SV2B: variants seen among roughly 807,000 people sequenced by gnomAD.
SV2B encodes the protein solute carrier family 22 member B2.
A neutral mutation model predicts 73.9 loss-of-function variants in SV2B; 41 were observed. That is an observed-to-expected ratio of 0.56 (90% CI 0.43 to 0.72). The LOEUF is 0.72. Among genes scored for constraint, SV2B ranks in the 30% least tolerant of loss-of-function variants. The pLI is 0.00. For synonymous variants in SV2B, 314 were observed against 314.2 expected, an observed-to-expected ratio of 1.00 and a Z score of 0.01; for missense variants, 764 against 857.8, an observed-to-expected ratio of 0.89 and a Z score of 1.37.
intron 1 of SV2B, among the ~76,000 whole-genome samples, chr15:91,104,593 GCAAT>G (rs375748424): frequency 7.2e-5 from 11 of 152,258 alleles, no homozygotes; most frequent in African/African-American, 2.2e-4. Flanking sequence ...GAGACATTTT[GCAAT>G]CAATCAATCA....
chr15:91,217,564 T>C (rs1452924566), intron 1 of SV2B, among the ~76,000 whole-genome samples: 1 of 152,054 alleles, frequency 6.6e-6, no homozygotes, highest in African/African-American at 2.4e-5. Context: ...TAAAGTATAA[T>C]AATAATAAAA....
intron 1 of SV2B, among the ~76,000 whole-genome samples, chr15:91,175,444 C>T (rs1050428623): frequency 6.6e-5 from 10 of 151,912 alleles, no homozygotes; most frequent in East Asian, 3.9e-4. Context: ...TTAATAGAGA[C>T]GGGGTTTCAC....
At position 91,287,981 on chromosome 15, in the gene SV2B, G is replaced by C. The variant is rs541322455; in HGVS notation, c.1709-1540G>C. ...GAGGGATGCAGACATTGCCAGAAAA[G>C]GCCTTCTACCCCCGGGGAGGAGTTG... On this transcript the variant is annotated intron_variant, in intron 11 of 12. Coordinates refer to ENST00000394232, the MANE Select transcript of SV2B (RefSeq NM_001323032.3). Among the ~76,000 whole-genome samples, 101 of 152,292 alleles carry C rather than the reference G, an allele frequency of 6.6e-4. 1 individual carries two copies. The South Asian group carries it at 0.019, about 29-fold the overall frequency.
At chr15:91,275,175 T>C (rs1327415914) in intron 9 of SV2B, among the ~76,000 whole-genome samples, 1 of 152,196 alleles carries the variant, frequency 6.6e-6, no homozygotes, top group Non-Finnish European at 1.5e-5. Context: ...TTGCTGGCTA[T>C]TTTCTATTTG....
At chr15:91,125,927 G>A (rs1277348401) in intron 1 of SV2B, among the ~76,000 whole-genome samples, 3 of 152,114 alleles carry the variant, frequency 2.0e-5, no homozygotes, top group Non-Finnish European at 4.4e-5. Flanking sequence ...TAACAATAAT[G>A]GTGGTGGTGA....
chr15:91,197,766 G>A lies in SV2B; in HGVS notation c.-391-28107G>A, dbSNP rs1344939854. Among the ~76,000 whole-genome samples the A allele has an allele frequency of 6.6e-6, 1 of 151,820 alleles. No homozygotes were observed. The highest frequency in any genetic ancestry group is 1.5e-5 in the Non-Finnish European group (1 of 67,966). ...AAAAAATATGCAGCCAGGCCCGGTG[G>A]CCCACGCCTGTAATCCCAGCACTTT... On this transcript the variant is annotated intron_variant, in intron 1 of 12. Transcript: ENST00000394232. This position sits in a 1 kb window ranked among gnomAD's most constrained non-coding sequence, Gnocchi z 4.9.
At chr15:91,156,018 C>T (rs965115313) in intron 1 of SV2B, among the ~76,000 whole-genome samples, 3 of 151,938 alleles carry the variant, frequency 2.0e-5, no homozygotes, top group Admixed American at 2.0e-4. Context: ...AAATAAATTT[C>T]AGGCAGAGGG....
chr15:91,141,334 G>A lies in SV2B; in HGVS notation c.-392+40971G>A, dbSNP rs144104436. Among the ~76,000 whole-genome samples the A allele has an allele frequency of 2.6e-5, 4 of 152,310 alleles. No individual in the cohort carries two copies. Among genetic ancestry groups the A allele is most frequent in the African/African-American group, 7.2e-5 (3 of 41,574 alleles). On this transcript the variant is annotated intron_variant, in intron 1 of 12. Coordinates refer to ENST00000394232, the MANE Select transcript of SV2B (RefSeq NM_001323032.3). The surrounding 1 kb of genome is among the most constrained non-coding windows in gnomAD (Gnocchi z 4.6). The stretch of plus-strand genomic sequence containing the variant: ...GATTTTTGCTGGCATCATCTAGGGT[G>A]TCTTGCAGAACAGGGCCTTGCTCTT...
chr15:91,241,729 C>A lies in SV2B; in HGVS notation c.452-10090C>A, dbSNP rs111322780. The stretch of plus-strand genomic sequence containing the variant: ...GAGGCTCACTGGTCTCCCTGTATCC[C>A]ATCCCCTCTCACCTCCCCAGAACAT... On this transcript the variant is annotated intron_variant, in intron 2 of 12. Transcript: ENST00000394232. This position sits in a 1 kb window ranked among gnomAD's most constrained non-coding sequence, Gnocchi z 4.8. Among the ~76,000 whole-genome samples the A allele has an allele frequency of 0.011, 1,634 of 152,142 alleles. 21 individuals carry two copies. Among genetic ancestry groups the A allele is most frequent in the African/African-American group, 0.038 (1,561 of 41,498 alleles).
intron 7 of SV2B, 76 bp downstream of exon 7, chr15:91,266,768 C>T (rs1197223904): frequency 1.5e-5 from 19 of 1,226,304 alleles, no homozygotes; most frequent in Non-Finnish European, 2.1e-5. Context: ...AAAAATGCAG[C>T]TCCTGAACAT....
At chr15:91,162,788 T>C (rs2043768640) in intron 1 of SV2B, among the ~76,000 whole-genome samples, 1 of 152,228 alleles carries the variant, frequency 6.6e-6, no homozygotes, top group South Asian at 2.1e-4. Context: ...GTTTTTATTA[T>C]ACTTTAAGTT....
chr15:91,228,768 A>T (rs1469307980), intron 2 of SV2B, among the ~76,000 whole-genome samples: 2 of 152,254 alleles, frequency 1.3e-5, no homozygotes, highest in African/African-American at 4.8e-5. Context: ...GACCCTCTGA[A>T]CATAGATGGA....
At chr15:91,255,023 C>T (rs1271975548) in intron 4 of SV2B, among the ~76,000 whole-genome samples, 1 of 152,204 alleles carries the variant, frequency 6.6e-6, no homozygotes, top group African/African-American at 2.4e-5. Context: ...CTTCCTTCCC[C>T]ATCCCTGGAG....
rs1175129544 is a variant in SV2B, at chr15:91,288,252, TA to T, written c.1709-1263del. On this transcript the variant is annotated intron_variant, in intron 11 of 12. Transcript: ENST00000394232. This position sits in a 1 kb window ranked among gnomAD's most constrained non-coding sequence, Gnocchi z 5.8. ...TAAGCTCCATGAGAATGGATTTTTT[TA>T]AAAAATTATTTTTTTATTTTTAATG... Among the ~76,000 whole-genome samples the T allele has an allele frequency of 3.9e-5, 6 of 152,312 alleles. No individual in the cohort carries two copies. The highest frequency in any genetic ancestry group is 2.0e-4 in the Admixed American group (3 of 15,302).
chr15:91,178,068 T>G (rs2044391510), intron 1 of SV2B, among the ~76,000 whole-genome samples: 1 of 151,964 alleles, frequency 6.6e-6, no homozygotes, highest in African/African-American at 2.4e-5. Context: ...ATACATCCCA[T>G]CAATACCTAA....
At chr15:91,187,448 C>G (rs1285221881) in intron 1 of SV2B, among the ~76,000 whole-genome samples, 1 of 152,180 alleles carries the variant, frequency 6.6e-6, no homozygotes, top group Non-Finnish European at 1.5e-5. Context: ...GTAAAGGTCA[C>G]TGTCCAATGT....
chr15:91,191,446 C>T (rs1265778611), intron 1 of SV2B, among the ~76,000 whole-genome samples: 3 of 152,078 alleles, frequency 2.0e-5, no homozygotes, highest in African/African-American at 7.2e-5. Context: ...AAGTACTTGC[C>T]TAACCTTTAG....
chr15:91,244,157 A>C (rs2047133904), intron 2 of SV2B, among the ~76,000 whole-genome samples: 1 of 152,224 alleles, frequency 6.6e-6, no homozygotes, highest in African/African-American at 2.4e-5. Context: ...TCTTAACCTC[A>C]GTTTCCTCAT....
Position 91,115,523 on chromosome 15 carries a change from C to G in SV2B, c.-392+15160C>G, listed in dbSNP as rs2042153527. ...AGTAGCTGGGACCACAGGCACCCAC[C>G]ATCATGCCTGGCTATTTTTTTTTTT... On this transcript the variant is annotated intron_variant, in intron 1 of 12. Coordinates refer to ENST00000394232, the MANE Select transcript of SV2B (RefSeq NM_001323032.3). This position sits in a 1 kb window ranked among gnomAD's most constrained non-coding sequence, Gnocchi z 4.3. Among the ~76,000 whole-genome samples, 1 of 151,810 alleles carries G rather than the reference C, an allele frequency of 6.6e-6. No homozygotes were observed. Among genetic ancestry groups the G allele is most frequent in the South Asian group, 2.1e-4 (1 of 4,802 alleles).
Sources: allele counts gnomAD v4.1 joint callset (sites outside exome capture counted in the v4.1 genomes callset), GRCh38; gene constraint gnomAD v4.1.1; non-coding constraint Gnocchi (gnomAD v3.1); transcripts MANE v1.5; gene names NCBI Gene and HGNC (gene_info 2026-07-23, HGNC 2026-07-21).